The following SCHIP1 variants were observed in gnomAD, a reference collection of about 807,000 sequenced individuals.
The protein encoded by SCHIP1 is schwannomin-interacting protein 1.
In SCHIP1, 8 loss-of-function variants were observed where a neutral mutation model predicts 29.7. The observed-to-expected ratio is 0.27, with a 90% CI of 0.16 to 0.49. SCHIP1 has a LOEUF of 0.49. Ranked by LOEUF, SCHIP1 falls within the 20% of genes least tolerant of loss-of-function variation. SCHIP1 has a pLI of 0.99. For synonymous variants in SCHIP1, 76 were observed against 94.9 expected (o/e 0.80, Z 1.16); for missense variants, 193 against 294.6 (o/e 0.66, Z 2.52).
At chr3:159,433,764 A>G in the SCHIP1 span, among the ~76,000 whole-genome samples, 3 of 152,218 alleles carry the variant, frequency 2.0e-5, no homozygotes, top group African/African-American at 7.2e-5. Flanking sequence ...TCACAAAAAC[A>G]GTGACTAGTG....
At chr3:159,646,181 T>C in the SCHIP1 span, among the ~76,000 whole-genome samples, 2 of 152,094 alleles carry the variant, frequency 1.3e-5, no homozygotes, top group Non-Finnish European at 2.9e-5. Context: ...AAGATGCATC[T>C]CACCACTCTC....
the SCHIP1 span, among the ~76,000 whole-genome samples, chr3:159,601,782 G>A: frequency 6.6e-3 from 1,008 of 152,320 alleles, 4 homozygotes; most frequent in Middle Eastern, 0.027. Context: ...AGTACTCCCT[G>A]TGGACTAGAG....
chr3:159,599,468 C>A, the SCHIP1 span, among the ~76,000 whole-genome samples: 1 of 152,170 alleles, frequency 6.6e-6, no homozygotes, highest in East Asian at 1.9e-4. Context: ...ACCCTCATAG[C>A]TTAGCTCCCA....
At chr3:159,439,089 T>G in the SCHIP1 span, among the ~76,000 whole-genome samples, 1 of 152,202 alleles carries the variant, frequency 6.6e-6, no homozygotes, top group African/African-American at 2.4e-5. Context: ...ATGGTTGAAC[T>G]AATTTACACT....
At chr3:159,777,012 G>A in the SCHIP1 span, among the ~76,000 whole-genome samples, 3 of 152,178 alleles carry the variant, frequency 2.0e-5, no homozygotes, top group Non-Finnish European at 2.9e-5. Context: ...GCCTGACTTC[G>A]TGCCATGCCA....
chr3:159,415,210 A>G, the SCHIP1 span, among the ~76,000 whole-genome samples: 1 of 50,260 alleles, frequency 2.0e-5, no homozygotes. Context: ...TGGGCACTTA[A>G]TAGCAACATG....
At chr3:159,628,064 T>C in the SCHIP1 span, among the ~76,000 whole-genome samples, 3 of 152,242 alleles carry the variant, frequency 2.0e-5, no homozygotes, top group African/African-American at 4.8e-5. Flanking sequence ...TTGCTAATTC[T>C]TAAGTTTTGA....
the SCHIP1 span, among the ~76,000 whole-genome samples, chr3:159,537,262 C>CATCA: frequency 6.6e-6 from 1 of 152,170 alleles, no homozygotes. Context: ...TCTGAAGGAA[C>CATCA]ATCACCCCAA....
At chr3:159,297,126 TTG>T in the SCHIP1 span, among the ~76,000 whole-genome samples, 7,719 of 143,248 alleles carry the variant, frequency 0.054, 279 homozygotes, top group African/African-American at 0.12. Context: ...TAATATTCCA[TTG>T]TGTGTGTGTG....
the SCHIP1 span, among the ~76,000 whole-genome samples, chr3:159,296,038 T>G: frequency 6.6e-6 from 1 of 152,180 alleles, no homozygotes; most frequent in Non-Finnish European, 1.5e-5. Flanking sequence ...TAGGTTTCAT[T>G]GCCTCAAACC....
the SCHIP1 span, among the ~76,000 whole-genome samples, chr3:159,657,635 G>A: frequency 6.6e-6 from 1 of 152,224 alleles, no homozygotes; most frequent in African/African-American, 2.4e-5. Context: ...ACAGCGATGA[G>A]GGCCCTGAAC....
the SCHIP1 span, among the ~76,000 whole-genome samples, chr3:159,653,163 T>A: frequency 6.6e-6 from 1 of 152,182 alleles, no homozygotes; most frequent in Non-Finnish European, 1.5e-5. Context: ...GTTTAACCAT[T>A]GTGGAAGACA....
At chr3:159,562,154 C>T in the SCHIP1 span, among the ~76,000 whole-genome samples, 1 of 152,186 alleles carries the variant, frequency 6.6e-6, no homozygotes, top group Non-Finnish European at 1.5e-5. Flanking sequence ...TAAATTCTCT[C>T]AATCCTTTGC....
chr3:159,346,110 C>T, the SCHIP1 span, among the ~76,000 whole-genome samples: 4 of 150,758 alleles, frequency 2.7e-5, no homozygotes, highest in Non-Finnish European at 4.4e-5. Flanking sequence ...AGGAAAATTG[C>T]GTGAACCTGG....
chr3:159,589,839 C>A, the SCHIP1 span, among the ~76,000 whole-genome samples: 1 of 144,380 alleles, frequency 6.9e-6, no homozygotes, highest in African/African-American at 2.9e-5. Flanking sequence ...TTAGTGCTAG[C>A]CCAAATATCA....
the SCHIP1 span, among the ~76,000 whole-genome samples, chr3:159,779,197 A>G: frequency 6.6e-6 from 1 of 152,208 alleles, no homozygotes; most frequent in Non-Finnish European, 1.5e-5. Flanking sequence ...GACTGGGGTT[A>G]AGTCATGAGG....
chr3:159,559,469 T>C, the SCHIP1 span, among the ~76,000 whole-genome samples: 1 of 152,224 alleles, frequency 6.6e-6, no homozygotes, highest in South Asian at 2.1e-4. Flanking sequence ...CATTGTTGTA[T>C]GCATTTCAAA....
At chr3:159,847,916 G>T (rs1712057873) in intron 1 of SCHIP1, among the ~76,000 whole-genome samples, 1 of 152,170 alleles carries the variant, frequency 6.6e-6, no homozygotes, top group African/African-American at 2.4e-5. Context: ...TATTTGAAAA[G>T]AGGTTATAAA....
chr3:159,543,837 G>A, the SCHIP1 span, among the ~76,000 whole-genome samples: 1 of 152,144 alleles, frequency 6.6e-6, no homozygotes, highest in Non-Finnish European at 1.5e-5. Flanking sequence ...CCCACCAACA[G>A]TGTAAAAGTG....
Sources: allele counts gnomAD v4.1 joint callset (sites outside exome capture counted in the v4.1 genomes callset), GRCh38; gene constraint gnomAD v4.1.1; transcripts MANE v1.5; gene names NCBI Gene and HGNC (gene_info 2026-07-23, HGNC 2026-07-21).